MIPOL1: variants seen among roughly 807,000 people sequenced by gnomAD.
The protein encoded by MIPOL1 is mirror-image polydactyly 1.
A neutral mutation model predicts 60.9 loss-of-function variants in MIPOL1; 57 were observed. That is an observed-to-expected ratio of 0.94 (90% CI 0.76 to 1.17). The LOEUF (loss-of-function observed/expected upper bound fraction) is 1.17. Among genes scored for constraint, MIPOL1 ranks in the 50% most tolerant of loss-of-function variants. The probability of loss-of-function intolerance (pLI) is 0.00; values close to 1 mark genes in which losing one functional copy is unlikely to be tolerated. For synonymous variants in MIPOL1, 179 were observed against 168.8 expected (o/e 1.06, Z -0.47); for missense variants, 551 against 511.6 (o/e 1.08, Z -0.74).
chr14:37,505,422 CA>C (rs1191570799), intron 12 of MIPOL1: 1 of 152,218 alleles, frequency 6.6e-6, no homozygotes. Flanking sequence ...AAGTCAGCTT[CA>C]TCCCTGGGAT....
intron 1 of MIPOL1, among the ~76,000 whole-genome samples, chr14:37,218,245 ATC>A (rs1968095804): frequency 6.6e-6 from 1 of 152,140 alleles, no homozygotes; most frequent in African/African-American, 2.4e-5. Context: ...CAGTGGCACA[ATC>A]TCAGCTCACT....
chr14:37,364,038 T>G (rs1287083379), intron 9 of MIPOL1, among the ~76,000 whole-genome samples: 1 of 152,224 alleles, frequency 6.6e-6, no homozygotes, highest in African/African-American at 2.4e-5. Flanking sequence ...GTACAGTCTG[T>G]TACTGCTTCC....
intron 1 of MIPOL1, among the ~76,000 whole-genome samples, chr14:37,210,095 G>A (rs1167412977): frequency 4.6e-5 from 7 of 152,010 alleles, no homozygotes; most frequent in Admixed American, 1.3e-4. Context: ...CGCTCAAACT[G>A]TGTTTCCCTC....
intron 9 of MIPOL1, among the ~76,000 whole-genome samples, chr14:37,357,016 C>T (rs2091894794): frequency 6.6e-6 from 1 of 152,154 alleles, no homozygotes. Context: ...ATCTGTTGAA[C>T]ACTTAGGGTG....
At chr14:37,308,668 T>C (rs1035810941) in intron 9 of MIPOL1, 149 bp downstream of exon 9, 1 of 443,068 alleles carries the variant, frequency 2.3e-6, no homozygotes, top group African/African-American at 2.0e-5. Flanking sequence ...TATATTAAAA[T>C]AATTATGTAT....
At chr14:37,495,293 A>G in intron 11 of MIPOL1, among the ~76,000 whole-genome samples, 1 of 76,406 alleles carries the variant, frequency 1.3e-5, no homozygotes, top group East Asian at 4.4e-4. Flanking sequence ...CCCCCACCCC[A>G]CCACAGTCCC....
chr14:37,544,233 T>A (rs2095539665), intron 12 of MIPOL1, among the ~76,000 whole-genome samples: 2 of 152,148 alleles, frequency 1.3e-5, no homozygotes, highest in South Asian at 4.1e-4. Flanking sequence ...ACCATAGTGA[T>A]AAAAGAAACA....
chr14:37,550,887 G>A lies in MIPOL1; in HGVS notation c.*3916G>A, dbSNP rs2095560231. ...AAGAGTTTTTCTTGTGCTTGCTTCG[G>A]CAGCATATATACTGAAATTAGAAAA... On this transcript the variant is annotated 3_prime_UTR_variant, in exon 13 of 13. Transcript: ENST00000684589. 1.3e-5 allele frequency: 2 copies of A among 152,138 alleles called. No homozygotes were observed. Among genetic ancestry groups the A allele is most frequent in the South Asian group, 4.2e-4 (2 of 4,818 alleles). The allele number at this position is 152,138 out of a possible 1,614,324, so 9.4% of individuals were successfully genotyped here.
At chr14:37,408,175 C>T (rs2093624501) in intron 10 of MIPOL1, among the ~76,000 whole-genome samples, 1 of 151,952 alleles carries the variant, frequency 6.6e-6, no homozygotes, top group Non-Finnish European at 1.5e-5. Flanking sequence ...CTCAACTCTC[C>T]TAGTATTTCT....
rs111337070 is a variant in MIPOL1 at position 37,373,115 on chromosome 14, G to A, written c.936+3491G>A. Among the ~76,000 whole-genome samples the A allele has an allele frequency of 2.3e-3, 355 of 151,968 alleles. 2 individuals are homozygous for A. Among genetic ancestry groups the A allele is most frequent in the African/African-American group, 7.9e-3 (329 of 41,488 alleles). On this transcript the variant is annotated intron_variant, in intron 10 of 12. Coordinates refer to ENST00000684589, the MANE Select transcript of MIPOL1 (RefSeq NM_001388067.1). Reference sequence around the variant, plus strand: ...GCCTGCCAGGTTCAAGTCATTCTCCGGCCTCAGCCTCCTGAGTAGCTGAGA... The same window carrying A: ...GCCTGCCAGGTTCAAGTCATTCTCCAGCCTCAGCCTCCTGAGTAGCTGAGA...
rs2090564541 is a variant in MIPOL1 at position 37,341,438 on chromosome 14, A to G, written c.829-28079A>G. On this transcript the variant is annotated intron_variant, in intron 9 of 12. Coordinates refer to ENST00000684589, the MANE Select transcript of MIPOL1 (RefSeq NM_001388067.1). ...AGAAATATTTGCTTAGGCTGTTTTCATTAGTTTACCATAGACATTGTTAGG... is the reference window on the plus strand; with the variant it reads ...AGAAATATTTGCTTAGGCTGTTTTCGTTAGTTTACCATAGACATTGTTAGG... 2.0e-5 allele frequency among the ~76,000 whole-genome samples: 3 copies of G among 152,232 alleles called. 1 individual carries two copies. Among genetic ancestry groups the G allele is most frequent in the South Asian group, 4.1e-4 (2 of 4,838 alleles).
At chr14:37,331,345 G>A (rs1316928062) in intron 9 of MIPOL1, among the ~76,000 whole-genome samples, 1 of 151,972 alleles carries the variant, frequency 6.6e-6, no homozygotes, top group Non-Finnish European at 1.5e-5. Context: ...GTTGCTTTGA[G>A]TAGTATGGAT....
intron 7 of MIPOL1, among the ~76,000 whole-genome samples, chr14:37,302,372 A>G (rs2086370473): frequency 2.0e-5 from 3 of 148,518 alleles, no homozygotes; most frequent in African/African-American, 7.4e-5. Context: ...CATATTGAGC[A>G]TCTTTTTATA....
chr14:37,367,084 G>A (rs1298528920), intron 9 of MIPOL1, among the ~76,000 whole-genome samples: 1 of 152,020 alleles, frequency 6.6e-6, no homozygotes, highest in African/African-American at 2.4e-5. Flanking sequence ...TTAAAGGATA[G>A]TATCTTTATC....
At chr14:37,268,113 AC>A (rs2083017970) in intron 4 of MIPOL1, among the ~76,000 whole-genome samples, 2 of 152,222 alleles carry the variant, frequency 1.3e-5, no homozygotes, top group Admixed American at 1.3e-4. Context: ...TTCAGTCTAG[AC>A]AAAATAATAT....
intron 11 of MIPOL1, among the ~76,000 whole-genome samples, chr14:37,467,454 C>T (rs1430648787): frequency 6.6e-6 from 1 of 152,164 alleles, no homozygotes; most frequent in Non-Finnish European, 1.5e-5. Context: ...AACTCCCTGT[C>T]TATTCTCTAT....
At chr14:37,200,867 TGTGTGTGTGTGTGTGTGTGTGTGTG>T (rs1965162488) in intron 1 of MIPOL1, among the ~76,000 whole-genome samples, 1 of 84,620 alleles carries the variant, frequency 1.2e-5, no homozygotes, top group African/African-American at 5.9e-5. Context: ...TGTGTGTGTG[TGTGTGTGTGTGTGTGTGTGTGTGTG>T]TGTGTGTATT....
At chr14:37,325,368 T>G (rs941990541) in intron 9 of MIPOL1, among the ~76,000 whole-genome samples, 2 of 152,078 alleles carry the variant, frequency 1.3e-5, no homozygotes, top group African/African-American at 4.8e-5. Flanking sequence ...ATATACTCTT[T>G]TTTATCTACA....
intron 3 of MIPOL1, among the ~76,000 whole-genome samples, chr14:37,261,584 G>A (rs1329296254): frequency 6.6e-6 from 1 of 152,072 alleles, no homozygotes; most frequent in African/African-American, 2.4e-5. Flanking sequence ...TGAATTGTAA[G>A]TTTGAATATG....
Sources: allele counts gnomAD v4.1 joint callset (sites outside exome capture counted in the v4.1 genomes callset), GRCh38; gene constraint gnomAD v4.1.1; transcripts MANE v1.5; gene names NCBI Gene and HGNC (gene_info 2026-07-23, HGNC 2026-07-21).